SLC10A7: variants seen among roughly 807,000 people sequenced by gnomAD.
SLC10A7 encodes solute carrier family 10 member 7.
A neutral mutation model predicts 43.2 loss-of-function variants in SLC10A7; 29 were observed. The ratio of observed to expected loss-of-function variants is 0.67; its 90% CI spans 0.50 to 0.92. SLC10A7 has a LOEUF of 0.92. Ranked by LOEUF, SLC10A7 falls within the 40% of genes least tolerant of loss-of-function variation. SLC10A7 has a pLI of 0.00. For synonymous variants in SLC10A7, 152 were observed against 144.8 expected, an observed-to-expected ratio of 1.05 and a Z score of -0.35; for missense variants, 295 against 403.2, an observed-to-expected ratio of 0.73 and a Z score of 2.30.
chr4:146,350,502 G>A (rs1484539635), intron 5 of SLC10A7, among the ~76,000 whole-genome samples: 24 of 143,048 alleles, frequency 1.7e-4, no homozygotes, highest in African/African-American at 2.9e-4. Context: ...CAAAGCAGCC[G>A]GGAAGCTCGA....
At chr4:146,464,249 T>C (rs1732807619) in intron 4 of SLC10A7, among the ~76,000 whole-genome samples, 1 of 152,156 alleles carries the variant, frequency 6.6e-6, no homozygotes, top group South Asian at 2.1e-4. Context: ...TATCGAGAGA[T>C]GTTCACACTA....
At chr4:146,521,519 G>A (rs1738656338) in intron 1 of SLC10A7, 99 bp downstream of exon 1, 1 of 964,192 alleles carries the variant, frequency 1.0e-6, no homozygotes, top group Non-Finnish European at 1.6e-6. Context: ...CCCTGAAATT[G>A]GCAAGCGCTT....
intron 4 of SLC10A7, among the ~76,000 whole-genome samples, chr4:146,481,888 T>C (rs1051270398): frequency 4.6e-5 from 7 of 152,022 alleles, no homozygotes; most frequent in Non-Finnish European, 1.5e-5. Context: ...CCTAAAGAGA[T>C]CCTCTCAGCT....
intron 4 of SLC10A7, among the ~76,000 whole-genome samples, chr4:146,503,323 C>T (rs1579356502): frequency 6.6e-6 from 1 of 152,322 alleles, no homozygotes; most frequent in African/African-American, 2.4e-5. Flanking sequence ...CTGCATTGGA[C>T]AATTGCTACT....
intron 7 of SLC10A7, among the ~76,000 whole-genome samples, chr4:146,300,467 C>T (rs984811485): frequency 1.3e-5 from 2 of 152,192 alleles, no homozygotes; most frequent in Admixed American, 6.5e-5. Context: ...CAGGCAGAGA[C>T]GACCTTGTGA....
chr4:146,405,806 G>A (rs1337210140), intron 5 of SLC10A7, among the ~76,000 whole-genome samples: 2 of 151,904 alleles, frequency 1.3e-5, no homozygotes, highest in African/African-American at 4.8e-5. Flanking sequence ...AATCTTGGAG[G>A]CAGAAGGAAG....
Position 146,490,768 on chromosome 4 carries a change from T to A in SLC10A7, c.396+13081A>T, listed in dbSNP as rs117306823. Among the ~76,000 whole-genome samples the A allele has an allele frequency of 8.2e-4, 125 of 152,296 alleles. No individual in the cohort carries two copies. The East Asian group carries it at 0.02, about 24-fold the overall frequency. On this transcript the variant is annotated intron_variant, in intron 4 of 11. Transcript: ENST00000335472. ...CAATCTAGGATATCATTTAATTCTA[T>A]CCCCTCTTTATTCTAGTACAGTAAA...
intron 5 of SLC10A7, among the ~76,000 whole-genome samples, chr4:146,359,337 C>CTT (rs1735881561): frequency 6.6e-6 from 1 of 152,016 alleles, no homozygotes; most frequent in Admixed American, 6.6e-5. Flanking sequence ...TATGGCTTGC[C>CTT]TTTTATTCTC....
intron 2 of SLC10A7, among the ~76,000 whole-genome samples, chr4:146,512,447 T>C (rs1737570050): frequency 6.6e-6 from 1 of 152,208 alleles, no homozygotes; most frequent in Non-Finnish European, 1.5e-5. Flanking sequence ...AAATTGATCA[T>C]CACAGTGTTA....
chr4:146,477,342 G>T (rs140415098), intron 4 of SLC10A7, among the ~76,000 whole-genome samples: 2 of 152,292 alleles, frequency 1.3e-5, no homozygotes, highest in African/African-American at 2.4e-5. Context: ...GTTGTTACAT[G>T]ATAATGTTAA....
chr4:146,286,699 T>C lies in SLC10A7; in HGVS notation c.774-3434A>G, dbSNP rs200668341. ...CCGTGTCTGGAGTGGTGAGGAGGACTGTGTCTGGAGTGGTGAGAAGGACTG... is the reference window on the plus strand; with the variant it reads ...CCGTGTCTGGAGTGGTGAGGAGGACCGTGTCTGGAGTGGTGAGAAGGACTG... On this transcript the variant is annotated intron_variant, in intron 9 of 11. Coordinates refer to ENST00000335472, the MANE Select transcript of SLC10A7 (RefSeq NM_001029998.6). Among the ~76,000 whole-genome samples the C allele has an allele frequency of 8.2e-3, 1,168 of 141,822 alleles. 26 individuals are homozygous for C. The highest frequency in any genetic ancestry group is 0.052 in the East Asian group (238 of 4,556). The allele number at this position is 141,822 out of a possible 152,430, so 93.0% of individuals were successfully genotyped here.
At chr4:146,506,804 A>C (rs1395490975) in intron 3 of SLC10A7, among the ~76,000 whole-genome samples, 1 of 150,784 alleles carries the variant, frequency 6.6e-6, no homozygotes, top group African/African-American at 2.4e-5. Flanking sequence ...CCATCTTTTC[A>C]ATCTTATTTT....
rs141814504 is a variant in SLC10A7, at chr4:146,494,418, C to G, written c.396+9431G>C. 5.9e-5 allele frequency among the ~76,000 whole-genome samples: 9 copies of G among 152,226 alleles called. No homozygotes were observed. In the East Asian group the frequency reaches 1.7e-3, roughly 29 times the overall value. On this transcript the variant is annotated intron_variant, in intron 4 of 11. Transcript: ENST00000335472. ...CCAAGATCAGGACTGGCCCTAACGT[C>G]TGAGGCACAGTCAAACCCAAAGATG...
At chr4:146,291,959 G>T (rs1413637427) in intron 9 of SLC10A7, among the ~76,000 whole-genome samples, 1 of 152,196 alleles carries the variant, frequency 6.6e-6, no homozygotes, top group East Asian at 1.9e-4. Flanking sequence ...AATAAAGGTG[G>T]AAAAATTTGC....
chr4:146,474,445 G>A (rs1733863818), intron 4 of SLC10A7, among the ~76,000 whole-genome samples: 1 of 152,026 alleles, frequency 6.6e-6, no homozygotes, highest in African/African-American at 2.4e-5. Flanking sequence ...GCAGCCATGT[G>A]GTGACAGGAT....
At chr4:146,302,143 C>T (rs1432606681) in intron 7 of SLC10A7, among the ~76,000 whole-genome samples, 1 of 152,042 alleles carries the variant, frequency 6.6e-6, no homozygotes, top group East Asian at 1.9e-4. Context: ...AGGAAATTTC[C>T]AAGATCTACC....
At chr4:146,510,281 A>C (rs1001209056) in intron 2 of SLC10A7, among the ~76,000 whole-genome samples, 3 of 144,156 alleles carry the variant, frequency 2.1e-5, no homozygotes, top group African/African-American at 5.2e-5. Context: ...TTTTTTTGAG[A>C]TGGAGTTTTT....
intron 6 of SLC10A7, 67 bp downstream of exon 6, chr4:146,325,894 G>A (rs952339142): frequency 7.2e-7 from 1 of 1,388,536 alleles, no homozygotes; most frequent in African/African-American, 1.5e-5. Flanking sequence ...TTGTTCTAAT[G>A]ACCTTTCTTA....
intron 5 of SLC10A7, among the ~76,000 whole-genome samples, chr4:146,438,650 G>A (rs986968037): frequency 2.0e-5 from 3 of 152,096 alleles, no homozygotes; most frequent in African/African-American, 2.4e-5. Context: ...TCTAAAAATA[G>A]CAAAGTTCTA....
Sources: allele counts gnomAD v4.1 joint callset (sites outside exome capture counted in the v4.1 genomes callset), GRCh38; gene constraint gnomAD v4.1.1; transcripts MANE v1.5; gene names NCBI Gene and HGNC (gene_info 2026-07-23, HGNC 2026-07-21).